DLGAP1: variants seen among roughly 807,000 people sequenced by gnomAD.
DLGAP1 encodes disks large-associated protein 1.
DLGAP1 carries 11 observed loss-of-function variants against 90.8 expected under a neutral mutation model. The ratio of observed to expected loss-of-function variants is 0.12; its 90% CI spans 0.08 to 0.20. DLGAP1 has a LOEUF of 0.20. Ranked by LOEUF, DLGAP1 falls within the 10% of genes least tolerant of loss-of-function variation. The pLI, the probability that DLGAP1 is intolerant of heterozygous loss-of-function variation, is 1.00. For missense variants in DLGAP1, 1,050 were observed against 1,333.8 expected, an observed-to-expected ratio of 0.79 and a Z score of 3.31; for synonymous variants, 558 against 540.7, an observed-to-expected ratio of 1.03 and a Z score of -0.44.
At position 4,023,517 on chromosome 18, in the gene DLGAP1, GTTA is replaced by G. The variant is rs528057481; in HGVS notation, c.-158-18319_-158-18317del. ...TTGGAACCTAATTTTTGCATTCAAT[GTTA>G]TTATTAACTTTATTTTTATGTCTCT... is the stretch of plus-strand genomic sequence containing the variant. On this transcript the variant is annotated intron_variant, in intron 2 of 12. Coordinates refer to ENST00000315677, the MANE Select transcript of DLGAP1 (RefSeq NM_004746.4). Among the ~76,000 whole-genome samples, 980 of 152,232 alleles carry G rather than the reference GTTA, an allele frequency of 6.4e-3. 7 individuals are homozygous for G. Among genetic ancestry groups the G allele is most frequent in the African/African-American group, 0.022 (897 of 41,544 alleles).
intron 7 of DLGAP1, among the ~76,000 whole-genome samples, chr18:3,589,187 GA>G (rs1054520800): frequency 1.3e-5 from 2 of 151,394 alleles, no homozygotes; most frequent in African/African-American, 4.9e-5. Flanking sequence ...AACTCCGTCT[GA>G]AAAAAAGAAA....
In DLGAP1 at chr18:3,499,328, G is replaced by A. The variant is rs1258160722; in HGVS notation, c.2791C>T (p.Arg931Cys). The A allele has an allele frequency of 1.9e-6, 3 of 1,565,614 alleles. No homozygotes were observed. The highest frequency in any genetic ancestry group is 1.2e-5 in the South Asian group (1 of 85,502). Reference protein sequence around the residue: ...AKGPAPLIRERSLESSQRQEA... With the variant: ...AKGPAPLIRECSLESSQRQEA... ...TGGCGCTGCGAGCTCTCCAGCGAGC[G>A]CTCCCGGATCAGCGGCGCGGGGCCC... Residue 931 changes from arginine (R) to cysteine (C), a missense_variant, in exon 13 of 13, where the codon CGC becomes TGC. Arg to Cys is a radical substitution (Grantham distance 180). Coordinates refer to ENST00000315677, the MANE Select transcript of DLGAP1 (RefSeq NM_004746.4). The surrounding 1 kb of genome is among the most constrained non-coding windows in gnomAD (Gnocchi z 6.4).
In DLGAP1 at chr18:4,348,400, A is replaced by ATGTGTGTGTGTGTGTGTGTGTG. The variant is rs71160958; in HGVS notation, c.-267+106584_-267+106605dup. ...CAGGTGCCTCAGGATGAACTCAGGA[A>ATGTGTGTGTGTGTGTGTGTGTG]TGTGTGTGTGTGTGTGTGTGTGTGT... On this transcript the variant is annotated intron_variant, in intron 1 of 12. Coordinates refer to ENST00000315677, the MANE Select transcript of DLGAP1 (RefSeq NM_004746.4). 8.5e-3 allele frequency among the ~76,000 whole-genome samples: 1,134 copies of ATGTGTGTGTGTGTGTGTGTGTG among 133,434 alleles called. 17 individuals are homozygous for ATGTGTGTGTGTGTGTGTGTGTG. Among genetic ancestry groups the ATGTGTGTGTGTGTGTGTGTGTG allele is most frequent in the Non-Finnish European group, 0.012 (735 of 63,790 alleles). 87.5% of individuals were successfully genotyped at this position (133,434 alleles called of 152,430 possible).
intron 11 of DLGAP1, among the ~76,000 whole-genome samples, chr18:3,506,296 C>T (rs1265961303): frequency 6.6e-6 from 1 of 151,652 alleles, no homozygotes; most frequent in Non-Finnish European, 1.5e-5. Context: ...GGCAGATCAC[C>T]TGAGGTCAGG....
At chr18:3,575,582 G>A (rs1179984739) in intron 8 of DLGAP1, among the ~76,000 whole-genome samples, 6 of 152,166 alleles carry the variant, frequency 3.9e-5, no homozygotes, top group African/African-American at 1.2e-4. Flanking sequence ...TACGAGGTGG[G>A]AGTGGGAAAG....
intron 10 of DLGAP1, among the ~76,000 whole-genome samples, chr18:3,520,942 C>T (rs1430473777): frequency 2.6e-5 from 4 of 152,210 alleles, no homozygotes; most frequent in South Asian, 2.1e-4. Flanking sequence ...CTCCCAACAA[C>T]GCTCTCTGGC....
chr18:3,582,968 C>A (rs1446913793), intron 7 of DLGAP1, among the ~76,000 whole-genome samples: 1 of 151,616 alleles, frequency 6.6e-6, no homozygotes, highest in African/African-American at 2.4e-5. Flanking sequence ...GTTGCCCAGG[C>A]TGGTCTTGAA....
chr18:4,289,631 A>AT lies in DLGAP1; in HGVS notation c.-266-138345dup, dbSNP rs2079796488. 3.3e-5 allele frequency among the ~76,000 whole-genome samples: 5 copies of AT among 152,280 alleles called. No homozygotes were observed. The South Asian group carries it at 1.0e-3, about 32-fold the overall frequency. ...GGAGTGGAGGTATTTCCTTCAACAG[A>AT]TTTTAAAAGAAAGAAAACTTTTTTT... On this transcript the variant is annotated intron_variant, in intron 1 of 12. Transcript: ENST00000315677.
intron 7 of DLGAP1, among the ~76,000 whole-genome samples, chr18:3,657,751 C>T (rs925802632): frequency 5.9e-5 from 9 of 152,006 alleles, no homozygotes; most frequent in South Asian, 2.1e-4. Context: ...TACAGGCGCC[C>T]GCCACCGCAC....
chr18:4,334,302 C>T (rs2081022171), intron 1 of DLGAP1, among the ~76,000 whole-genome samples: 1 of 151,712 alleles, frequency 6.6e-6, no homozygotes. Flanking sequence ...TTAGTCTAGT[C>T]TCTATGACAA....
chr18:4,023,407 T>A (rs908506490), intron 2 of DLGAP1, among the ~76,000 whole-genome samples: 8 of 152,256 alleles, frequency 5.3e-5, no homozygotes, highest in African/African-American at 1.9e-4. Flanking sequence ...TGACTTTGAC[T>A]TTCAAGAAAC....
At chr18:3,580,234 C>A in intron 8 of DLGAP1, 1 of 1,597,490 alleles carries the variant, frequency 6.3e-7, no homozygotes, top group Non-Finnish European at 8.6e-7. Context: ...CTCAGGTGAA[C>A]CATCTGAAAA....
At chr18:3,717,039 CTTTTTTTTTT>C (rs56981271) in intron 7 of DLGAP1, among the ~76,000 whole-genome samples, 1 of 113,850 alleles carries the variant, frequency 8.8e-6, no homozygotes, top group Non-Finnish European at 1.8e-5. Flanking sequence ...GTGAGTTTGC[CTTTTTTTTTT>C]TTTTTTTTTT....
At position 4,378,042 on chromosome 18, in the gene DLGAP1, GT is replaced by G. The variant is rs1226435038; in HGVS notation, c.-267+76963del. Among the ~76,000 whole-genome samples, 1 of 149,590 alleles carries G rather than the reference GT, an allele frequency of 6.7e-6. No homozygotes were observed. Among genetic ancestry groups the G allele is most frequent in the African/African-American group, 2.4e-5 (1 of 40,906 alleles). On this transcript the variant is annotated intron_variant, in intron 1 of 12. Coordinates refer to ENST00000315677, the MANE Select transcript of DLGAP1 (RefSeq NM_004746.4). The surrounding 1 kb of genome is among the most constrained non-coding windows in gnomAD (Gnocchi z 4.5). ...GAAATCTATCTATTTTTGTCTATGT[GT>G]TTTTATATATACATATTATAAAATA... is the stretch of plus-strand genomic sequence containing the variant.
chr18:4,009,517 A>C (rs1005345928), intron 2 of DLGAP1, among the ~76,000 whole-genome samples: 1 of 152,138 alleles, frequency 6.6e-6, no homozygotes, highest in Non-Finnish European at 1.5e-5. Flanking sequence ...TAGATACTGG[A>C]GATAGAGAGG....
At chr18:3,772,858 G>A (rs910213445) in intron 5 of DLGAP1, among the ~76,000 whole-genome samples, 2 of 152,112 alleles carry the variant, frequency 1.3e-5, no homozygotes, top group African/African-American at 4.8e-5. Flanking sequence ...CTGCACTAAA[G>A]TTTGAAAAGA....
At chr18:3,950,029 G>A (rs550736935) in intron 3 of DLGAP1, among the ~76,000 whole-genome samples, 7 of 152,310 alleles carry the variant, frequency 4.6e-5, no homozygotes, top group African/African-American at 1.4e-4. Flanking sequence ...ACAGTGAGAA[G>A]TGAGTTCTAT....
chr18:4,081,677 G>A (rs558914053), intron 2 of DLGAP1, among the ~76,000 whole-genome samples: 61 of 152,316 alleles, frequency 4.0e-4, no homozygotes, highest in Middle Eastern at 6.8e-3. Context: ...ATTGGAGGAA[G>A]AAAGACTGAA....
intron 2 of DLGAP1, among the ~76,000 whole-genome samples, chr18:4,048,394 A>T (rs1183102379): frequency 6.6e-6 from 1 of 152,216 alleles, no homozygotes; most frequent in African/African-American, 2.4e-5. Flanking sequence ...TACCATATTG[A>T]TTCTAAATTA....
Sources: gnomAD v4.1 joint callset for allele counts (sites outside exome capture counted in the v4.1 genomes callset) on GRCh38, gnomAD v4.1.1 for gene constraint, Gnocchi (gnomAD v3.1) non-coding constraint, MANE v1.5 for transcripts, NCBI Gene and HGNC (gene_info 2026-07-23, HGNC 2026-07-21) for gene names.